CRYZL1: variants seen among roughly 807,000 people sequenced by gnomAD.
The protein encoded by CRYZL1 is crystallin zeta like 1, also known as ferry endosomal RAB5 effector complex subunit 4.
A neutral mutation model predicts 50.6 loss-of-function variants in CRYZL1; 34 were observed. The observed-to-expected ratio is 0.67, with a 90% CI of 0.51 to 0.89. CRYZL1 has a LOEUF of 0.89. CRYZL1 is among the 40% of genes least tolerant of loss of function. The pLI is 0.00. For missense variants in CRYZL1, 354 were observed against 402.3 expected (o/e 0.88, Z 1.03); for synonymous variants, 125 against 134.3 (o/e 0.93, Z 0.48).
chr21:33,602,224 T>A lies in CRYZL1; in HGVS notation c.577+10A>T. Reference sequence around the variant, plus strand: ...CCTGTTTTAAAGTCTGTGCTCATAATATTACCCACCTATGGGAGGTCTGAA... The same window carrying A: ...CCTGTTTTAAAGTCTGTGCTCATAAAATTACCCACCTATGGGAGGTCTGAA... On this transcript the variant is annotated intron_variant, in intron 8 of 12. Coordinates refer to ENST00000381554, the MANE Select transcript of CRYZL1 (RefSeq NM_145858.3). The A allele has an allele frequency of 1.4e-6, 2 of 1,402,706 alleles. No individual in the cohort carries two copies. Among genetic ancestry groups the A allele is most frequent in the African/African-American group, 1.4e-5 (1 of 70,830 alleles). 86.9% of individuals were successfully genotyped at this position (1,402,706 alleles called of 1,614,324 possible).
intron 11 of CRYZL1, among the ~76,000 whole-genome samples, chr21:33,593,327 C>T (rs949760745): frequency 3.9e-5 from 6 of 152,036 alleles, no homozygotes; most frequent in South Asian, 2.1e-4. Context: ...AGGATGGTCT[C>T]AATCTCCTGA....
intron 9 of CRYZL1, 101 bp from the exon 10 acceptor site, chr21:33,597,502 G>T: frequency 1.0e-6 from 1 of 963,376 alleles, no homozygotes; most frequent in Non-Finnish European, 1.6e-6. Context: ...TTTATTTAGA[G>T]ACAAGGTCTT....
chr21:33,620,384 A>G (rs2086980545), intron 4 of CRYZL1, among the ~76,000 whole-genome samples: 2 of 152,230 alleles, frequency 1.3e-5, no homozygotes, highest in Admixed American at 1.3e-4. Flanking sequence ...TTCATCATAA[A>G]AAGACAATAT....
chr21:33,635,649 C>T (rs1205934632), intron 1 of CRYZL1, among the ~76,000 whole-genome samples: 1 of 150,480 alleles, frequency 6.6e-6, no homozygotes, highest in East Asian at 2.0e-4. Context: ...CCACCGCGCC[C>T]GGCCATAAAA....
intron 5 of CRYZL1, 73 bp from the exon 6 acceptor site, chr21:33,613,679 C>T: frequency 9.2e-7 from 1 of 1,086,538 alleles, no homozygotes; most frequent in South Asian, 1.3e-5. Context: ...AGTATTATTA[C>T]AAATTTTGTT....
At chr21:33,625,406 C>T (rs531885408) in intron 2 of CRYZL1, among the ~76,000 whole-genome samples, 3 of 152,182 alleles carry the variant, frequency 2.0e-5, no homozygotes, top group Non-Finnish European at 4.4e-5. Flanking sequence ...CCGCCCGCCT[C>T]GGCCTCCCAA....
chr21:33,600,075 C>A (rs1331274429), intron 8 of CRYZL1, among the ~76,000 whole-genome samples: 1 of 152,090 alleles, frequency 6.6e-6, no homozygotes, highest in Non-Finnish European at 1.5e-5. Flanking sequence ...ACTCTATACC[C>A]CAATAAACCG....
At chr21:33,633,054 T>A (rs543236345) in intron 1 of CRYZL1, among the ~76,000 whole-genome samples, 30 of 152,340 alleles carry the variant, frequency 2.0e-4, no homozygotes, top group African/African-American at 7.0e-4. Flanking sequence ...ATGTTGTTAC[T>A]TGTAGTTGTA....
intron 3 of CRYZL1, among the ~76,000 whole-genome samples, chr21:33,623,228 T>A (rs2145949779): frequency 6.6e-6 from 1 of 152,296 alleles, no homozygotes; most frequent in Admixed American, 6.5e-5. Context: ...CCTCCCAAAG[T>A]GCTGGGATTA....
intron 1 of CRYZL1, chr21:33,640,310 A>G (rs1389903385): frequency 1.4e-6 from 2 of 1,408,894 alleles, no homozygotes; most frequent in Non-Finnish European, 1.9e-6. Flanking sequence ...GTAAGCTGGA[A>G]CAGAGGCATC....
intron 6 of CRYZL1, among the ~76,000 whole-genome samples, chr21:33,604,694 T>C (rs1480424487): frequency 2.0e-5 from 3 of 152,202 alleles, no homozygotes; most frequent in Non-Finnish European, 2.9e-5. Flanking sequence ...TCTTGTTGTT[T>C]TATGGCATTC....
In CRYZL1 at chr21:33,618,722, C is replaced by A. The variant is rs563249478; in HGVS notation, c.218-1972G>T. Among the ~76,000 whole-genome samples, 141 of 152,312 alleles carry A rather than the reference C, an allele frequency of 9.3e-4. 1 individual carries two copies. The highest frequency in any genetic ancestry group is 3.4e-3 in the Middle Eastern group (1 of 294). ...CTTCTTTGGCTCCCTCCTGTGCCAT[C>A]ATCCCCCAATCCTTTTGGCTTCTGA... On this transcript the variant is annotated intron_variant, in intron 4 of 12. Coordinates refer to ENST00000381554, the MANE Select transcript of CRYZL1 (RefSeq NM_145858.3).
intron 11 of CRYZL1, chr21:33,591,530 A>T (rs1002508464): frequency 2.7e-6 from 1 of 376,244 alleles, no homozygotes; most frequent in African/African-American, 2.0e-5. Flanking sequence ...TTTCATTTCT[A>T]CACTACATAT....
chr21:33,629,228 A>AAAC lies in CRYZL1; in HGVS notation c.66+2255_66+2257dup, dbSNP rs574242137. Among the ~76,000 whole-genome samples, 93 of 152,032 alleles carry AAAC rather than the reference A, an allele frequency of 6.1e-4. No individual in the cohort carries two copies. The South Asian group carries it at 6.9e-3, about 11-fold the overall frequency. On this transcript the variant is annotated intron_variant, in intron 2 of 12. Transcript: ENST00000381554. ...TGATGGCGCAAGACCCTGTCTCAAAAAACAACAACAACAACAACAACAAAG... is the reference window on the plus strand; with the variant it reads ...TGATGGCGCAAGACCCTGTCTCAAAAAACAACAACAACAACAACAACAACAAAG...
At position 33,597,392 on chromosome 21, in the gene CRYZL1, T is replaced by C. The variant is rs1161996269; in HGVS notation, c.686A>G (p.Tyr229Cys). The C allele has an allele frequency of 6.3e-7, 1 of 1,579,552 alleles. No homozygotes were observed. The change falls in exon 10 of 13, where the codon TAT becomes TGT. Residue 229 changes from tyrosine (Y) to cysteine (C), a missense_variant. Coordinates refer to ENST00000381554, the MANE Select transcript of CRYZL1 (RefSeq NM_145858.3). ...DIVLDAGVRLYSKDDEPAVKL... is the reference protein window; with the variant it reads ...DIVLDAGVRLCSKDDEPAVKL... Reference sequence around the variant, plus strand: ...TACAGCTGGTTCATCATCTTTACTATATAATCTCACTTGCAAGGGAATAGT... The same window carrying C: ...TACAGCTGGTTCATCATCTTTACTACATAATCTCACTTGCAAGGGAATAGT...
rs2087023524 is a variant in CRYZL1 at position 33,623,317 on chromosome 21, T to C, written c.145-1249A>G. On this transcript the variant is annotated intron_variant, in intron 3 of 12. Transcript: ENST00000381554. ...GGAGTTAAAACTATGGTTTTAGCAA[T>C]TGCATCCTGGCTCCTTCACTTACCA... 2.6e-5 allele frequency among the ~76,000 whole-genome samples: 4 copies of C among 152,192 alleles called. No individual in the cohort carries two copies. The South Asian group carries it at 8.3e-4, about 31-fold the overall frequency.
intron 1 of CRYZL1, chr21:33,640,198 G>A: frequency 1.9e-6 from 3 of 1,548,012 alleles, no homozygotes; most frequent in South Asian, 2.4e-5. Context: ...TCTACAAAAA[G>A]AGCATAGTTA....
At chr21:33,626,174 G>C (rs1293254784) in intron 2 of CRYZL1, among the ~76,000 whole-genome samples, 1 of 151,752 alleles carries the variant, frequency 6.6e-6, no homozygotes, top group Non-Finnish European at 1.5e-5. Context: ...GGCCAGGTTG[G>C]TCTTGAACTC....
chr21:33,590,066 G>T, intron 12 of CRYZL1, 145 bp from the exon 13 acceptor site: 2 of 555,858 alleles, frequency 3.6e-6, no homozygotes, highest in Non-Finnish European at 6.3e-6. Flanking sequence ...CATCCAGGCT[G>T]GAGTGCAGTG....
Sources: gnomAD v4.1 joint callset for allele counts (sites outside exome capture counted in the v4.1 genomes callset) on GRCh38, gnomAD v4.1.1 for gene constraint, MANE v1.5 for transcripts, NCBI Gene and HGNC (gene_info 2026-07-23, HGNC 2026-07-21) for gene names.